The following INVS variants were observed in gnomAD, a reference collection of about 807,000 sequenced individuals.
INVS encodes inversin, also known as inversion of embryo turning homolog.
In INVS, 86 loss-of-function variants were observed where a neutral mutation model predicts 108.8. That is an observed-to-expected ratio of 0.79 (90% CI 0.66 to 0.95). The LOEUF (loss-of-function observed/expected upper bound fraction) is 0.95, where lower values mean the gene tolerates loss of function less well. Among genes scored for constraint, INVS ranks in the 40% least tolerant of loss-of-function variants. The pLI is 0.00. For synonymous variants in INVS, 455 were observed against 473.5 expected (o/e 0.96, Z 0.51); for missense variants, 1,169 against 1,297.4 (o/e 0.90, Z 1.52).
rs1291135236 is a variant in INVS, at chr9:100,284,325, G to A, written c.1790G>A (p.Arg597Gln). Residue 597 changes from arginine (R) to glutamine (Q), a missense_variant, in exon 13 of 17, where the codon CGA becomes CAA. Physicochemically the swap from Arg to Gln is conservative, Grantham distance 43. This residue lies in a region of INVS where 271 missense variants were observed against 363.8 expected (regional missense o/e 0.74). Transcript: ENST00000262457. ...QLRKDAAAKKREEENKRKEAE... is the reference protein window; with the variant it reads ...QLRKDAAAKKQEEENKRKEAE... ...TTCTTTGGCTTTGCTTCCAGAAAGC[G>A]AGAGGAAGAAAACAAACGAAAAGAG... is the stretch of plus-strand genomic sequence containing the variant. The A allele has an allele frequency of 1.4e-5, 23 of 1,613,092 alleles. No homozygotes were observed. The highest frequency in any genetic ancestry group is 1.6e-4 in the Middle Eastern group (1 of 6,084).
chr9:100,221,187 G>A (rs1197759322), intron 3 of INVS, among the ~76,000 whole-genome samples: 3 of 152,112 alleles, frequency 2.0e-5, no homozygotes, highest in African/African-American at 7.2e-5. Flanking sequence ...TTAGCTTACT[G>A]CCTCAAACTA....
intron 16 of INVS, among the ~76,000 whole-genome samples, chr9:100,300,150 C>G (rs1258550389): frequency 6.6e-6 from 1 of 152,206 alleles, no homozygotes; most frequent in Non-Finnish European, 1.5e-5. Flanking sequence ...ATATTCCCAT[C>G]AGCTTATCAT....
intron 10 of INVS, 115 bp downstream of exon 10, chr9:100,253,251 C>T (rs1832299183): frequency 1.3e-6 from 1 of 765,314 alleles, no homozygotes; most frequent in African/African-American, 1.7e-5. Context: ...CCCACAAATC[C>T]ATCTGTTAAT....
At position 100,298,969 on chromosome 9, in the gene INVS, G is replaced by C. The variant is rs146008511; in HGVS notation, c.3091+959G>C. 2.0e-5 allele frequency among the ~76,000 whole-genome samples: 3 copies of C among 152,242 alleles called. No homozygotes were observed. In the East Asian group the frequency reaches 5.8e-4, roughly 29 times the overall value. ...TGTCAGATATCACTACCAGAGAAGTGGCATTTAGACAATCAAATACTAGCA... is the reference window on the plus strand; with the variant it reads ...TGTCAGATATCACTACCAGAGAAGTCGCATTTAGACAATCAAATACTAGCA... On this transcript the variant is annotated intron_variant, in intron 16 of 16. Coordinates refer to ENST00000262457, the MANE Select transcript of INVS (RefSeq NM_014425.5).
At chr9:100,104,721 C>A in intron 2 of INVS, 94 bp downstream of exon 2, 1 of 795,838 alleles carries the variant, frequency 1.3e-6, no homozygotes, top group Admixed American at 1.9e-5. Context: ...TGTACTCATA[C>A]ATTTTAATGG....
intron 13 of INVS, among the ~76,000 whole-genome samples, chr9:100,291,096 C>T (rs150815984): frequency 0.011 from 1,698 of 151,782 alleles, 14 homozygotes; most frequent in Non-Finnish European, 0.018. Context: ...GACGGAGTCT[C>T]GCTGTCACCC....
chr9:100,245,576 G>A (rs1438917985), intron 7 of INVS, among the ~76,000 whole-genome samples: 3 of 152,042 alleles, frequency 2.0e-5, no homozygotes, highest in Non-Finnish European at 2.9e-5. Context: ...CACTGCGCCC[G>A]GCCCAGTCCT....
intron 12 of INVS, among the ~76,000 whole-genome samples, chr9:100,280,456 G>A (rs1307742057): frequency 6.6e-6 from 1 of 151,996 alleles, no homozygotes; most frequent in Non-Finnish European, 1.5e-5. Flanking sequence ...AAGCCCATTA[G>A]AAGCTGTCAT....
At chr9:100,297,839 G>A (rs1490820477) in intron 15 of INVS, 97 bp from the exon 16 acceptor site, 3 of 1,233,254 alleles carry the variant, frequency 2.4e-6, no homozygotes, top group African/African-American at 3.0e-5. Context: ...ACACACACCT[G>A]CAAGCTCAAG....
intron 3 of INVS, among the ~76,000 whole-genome samples, chr9:100,191,061 A>C (rs553283103): frequency 6.6e-6 from 1 of 151,956 alleles, no homozygotes; most frequent in African/African-American, 2.4e-5. Flanking sequence ...GGTTCTCTCT[A>C]TGTTGCCCAA....
intron 16 of INVS, chr9:100,298,467 G>A (rs987049876): frequency 5.6e-6 from 2 of 356,784 alleles, no homozygotes; most frequent in Non-Finnish European, 7.8e-6. Context: ...GAAGCTCAGG[G>A]AACTTTCTTT....
rs769421577 is a variant in INVS, at chr9:100,177,102, C to T, written c.274-48960C>T. 2.2e-4 allele frequency among the ~76,000 whole-genome samples: 34 copies of T among 152,086 alleles called. 1 individual carries two copies. The highest frequency in any genetic ancestry group is 3.5e-4 in the Non-Finnish European group (24 of 68,016). On this transcript the variant is annotated intron_variant, in intron 3 of 16. Transcript: ENST00000262457. ...ACGGTGCATTCCGGTCCAGATACTA[C>T]GCTTTTCCCACAATCTTTGCAACCC...
chr9:100,296,934 A>G lies in INVS; in HGVS notation c.2804A>G (p.His935Arg), dbSNP rs1202230678. ...CCAACCAGCTACCAGCTCAGGAAGC[A>G]CCTGTCCCACCTTCGGCATATGAAG... Reference protein sequence around the residue: ...RAWRSYQLRKHLSHLRHMKQL... With the variant: ...RAWRSYQLRKRLSHLRHMKQL... Residue 935 changes from histidine to arginine, a missense_variant, in exon 15 of 17, where the codon CAC (histidine) becomes CGC (arginine). By Grantham distance (29) the His-to-Arg change is conservative. Around this residue, in one of 3 missense-constraint regions of INVS, gnomAD observed 533 missense variants for 536.0 expected, o/e 0.99. Coordinates refer to ENST00000262457, the MANE Select transcript of INVS (RefSeq NM_014425.5). 1.2e-6 allele frequency: 2 copies of G among 1,614,066 alleles called. No homozygotes were observed. The highest frequency in any genetic ancestry group is 1.7e-6 in the Non-Finnish European group (2 of 1,179,984).
At chr9:100,233,259 A>C (rs1831569317) in intron 5 of INVS, among the ~76,000 whole-genome samples, 1 of 152,208 alleles carries the variant, frequency 6.6e-6, no homozygotes, top group Admixed American at 6.5e-5. Context: ...TATCAGCTTA[A>C]GGAGTTTCTG....
chr9:100,216,947 C>T (rs1409841660), intron 3 of INVS, among the ~76,000 whole-genome samples: 1 of 152,186 alleles, frequency 6.6e-6, no homozygotes, highest in African/African-American at 2.4e-5. Flanking sequence ...AGGGGGTCTT[C>T]TCACCCTTGA....
At chr9:100,255,320 A>T (rs1284052017) in intron 10 of INVS, among the ~76,000 whole-genome samples, 1 of 152,204 alleles carries the variant, frequency 6.6e-6, no homozygotes, top group Non-Finnish European at 1.5e-5. Flanking sequence ...TTCGGCTGAG[A>T]CAATGGGGTT....
At chr9:100,244,791 A>G (rs1037006704) in intron 7 of INVS, among the ~76,000 whole-genome samples, 3 of 152,250 alleles carry the variant, frequency 2.0e-5, no homozygotes, top group African/African-American at 7.2e-5. Flanking sequence ...AAGTAAAAAC[A>G]TACTCAGCAA....
At chr9:100,266,070 A>G (rs972506121) in intron 11 of INVS, among the ~76,000 whole-genome samples, 1 of 151,894 alleles carries the variant, frequency 6.6e-6, no homozygotes, top group Non-Finnish European at 1.5e-5. Flanking sequence ...ACAGAGTAAG[A>G]CTCTGCCTAA....
chr9:100,285,050 A>T (rs1350420330), intron 13 of INVS, among the ~76,000 whole-genome samples: 1 of 152,132 alleles, frequency 6.6e-6, no homozygotes, highest in East Asian at 1.9e-4. Context: ...TGATGCTCTA[A>T]GATTCTTGTA....
Sources: allele counts gnomAD v4.1 joint callset (sites outside exome capture counted in the v4.1 genomes callset), GRCh38; gene constraint gnomAD v4.1.1; regional missense constraint gnomAD v4.1.1; transcripts MANE v1.5; gene names NCBI Gene and HGNC (gene_info 2026-07-23, HGNC 2026-07-21).